The following SNTG1 variants were observed in gnomAD, a reference collection of about 807,000 sequenced individuals.
SNTG1 encodes gamma-1-syntrophin.
A neutral mutation model predicts 74.7 loss-of-function variants in SNTG1; 39 were observed. The ratio of observed to expected loss-of-function variants is 0.52; its 90% confidence interval spans 0.40 to 0.68. The LOEUF (loss-of-function observed/expected upper bound fraction) is 0.68. SNTG1 is among the 30% of genes least tolerant of loss of function. SNTG1 has a pLI of 0.00. For synonymous variants in SNTG1, 254 were observed against 217.1 expected, an observed-to-expected ratio of 1.17 and a Z score of -1.49; for missense variants, 685 against 609.5, an observed-to-expected ratio of 1.12 and a Z score of -1.30.
intron 13 of SNTG1, among the ~76,000 whole-genome samples, chr8:50,636,294 C>G (rs2095038792): frequency 6.6e-6 from 1 of 151,818 alleles, no homozygotes; most frequent in Admixed American, 6.6e-5. Flanking sequence ...TGGCTGGTGA[C>G]TCACTAGGTC....
intron 11 of SNTG1, among the ~76,000 whole-genome samples, chr8:50,550,693 G>GTGTATATATATATATATA (rs1554571332): frequency 1.3e-5 from 2 of 149,028 alleles, no homozygotes; most frequent in African/African-American, 5.0e-5. Flanking sequence ...TAGTGTGTGT[G>GTGTATATATATATATATA]TATATATATA....
At chr8:50,225,216 C>T (rs1049365355) in intron 2 of SNTG1, among the ~76,000 whole-genome samples, 4 of 152,086 alleles carry the variant, frequency 2.6e-5, no homozygotes, top group Non-Finnish European at 5.9e-5. Flanking sequence ...TCGTGATCCA[C>T]CCACCTCAGC....
At chr8:50,597,370 T>TATATATACACATATACAC (rs1563627827) in intron 13 of SNTG1, among the ~76,000 whole-genome samples, 1 of 139,048 alleles carries the variant, frequency 7.2e-6, no homozygotes, top group South Asian at 2.1e-4. Flanking sequence ...CACATATACA[T>TATATATACACATATACAC]GTATATATAC....
chr8:50,093,645 T>G (rs2079824696), intron 1 of SNTG1, among the ~76,000 whole-genome samples: 1 of 152,090 alleles, frequency 6.6e-6, no homozygotes. Flanking sequence ...TGAAAGAATA[T>G]GGTCCCTTGT....
intron 9 of SNTG1, among the ~76,000 whole-genome samples, chr8:50,513,532 G>T (rs1260954112): frequency 6.6e-6 from 1 of 152,238 alleles, no homozygotes; most frequent in Non-Finnish European, 1.5e-5. Flanking sequence ...TACAAAGGCA[G>T]GCAGGCCTCT....
chr8:50,266,055 C>CT (rs34945869), intron 2 of SNTG1, among the ~76,000 whole-genome samples: 31,114 of 145,532 alleles, frequency 0.21, 3,576 homozygotes, highest in Middle Eastern at 0.37. Flanking sequence ...AAAATCCTAG[C>CT]TTTTTTTTTT....
chr8:50,606,728 G>A (rs1002772351), intron 13 of SNTG1, among the ~76,000 whole-genome samples: 1 of 151,896 alleles, frequency 6.6e-6, no homozygotes, highest in Non-Finnish European at 1.5e-5. Context: ...TCTTTAGCAT[G>A]TTGATGAAAT....
At position 50,590,269 on chromosome 8, in the gene SNTG1, G is replaced by A. The variant is rs577509291; in HGVS notation, c.811-610G>A. On this transcript the variant is annotated intron_variant, in intron 12 of 18. Transcript: ENST00000642720. ...AAGCACTATTGAAGAAAGACTTTGTGTAATGTCCTTTATCCAAGCCTAATG... is the reference window on the plus strand; with the variant it reads ...AAGCACTATTGAAGAAAGACTTTGTATAATGTCCTTTATCCAAGCCTAATG... Among the ~76,000 whole-genome samples the A allele has an allele frequency of 2.1e-4, 32 of 152,218 alleles. No homozygotes were observed. In the East Asian group the frequency reaches 5.8e-3, roughly 28 times the overall value.
chr8:50,142,469 A>T lies in SNTG1; in HGVS notation c.-102-30092A>T, dbSNP rs1025206224. Reference sequence around the variant, plus strand: ...ACTTTTTAACACAAACCTGCAATTAAAAAGATTATATATATATATATATAT... The same window carrying T: ...ACTTTTTAACACAAACCTGCAATTATAAAGATTATATATATATATATATAT... On this transcript the variant is annotated intron_variant, in intron 1 of 18. Coordinates refer to ENST00000642720, the MANE Select transcript of SNTG1 (RefSeq NM_018967.5). 2.0e-4 allele frequency among the ~76,000 whole-genome samples: 26 copies of T among 127,356 alleles called. No individual in the cohort carries two copies. The East Asian group carries it at 5.3e-3, about 26-fold the overall frequency. The allele number at this position is 127,356 out of a possible 152,430, so 83.6% of individuals were successfully genotyped here.
intron 2 of SNTG1, among the ~76,000 whole-genome samples, chr8:50,371,168 A>G (rs1391602968): frequency 1.3e-5 from 2 of 152,154 alleles, no homozygotes; most frequent in East Asian, 1.9e-4. Flanking sequence ...CTATTGGCCT[A>G]CTACTGGATC....
chr8:50,567,733 A>G (rs2094524066), intron 12 of SNTG1, among the ~76,000 whole-genome samples: 1 of 152,142 alleles, frequency 6.6e-6, no homozygotes, highest in South Asian at 2.1e-4. Flanking sequence ...AACTCATTAC[A>G]ATTGTACATT....
At chr8:50,737,502 C>A (rs1223636056) in intron 17 of SNTG1, among the ~76,000 whole-genome samples, 1 of 152,134 alleles carries the variant, frequency 6.6e-6, no homozygotes, top group African/African-American at 2.4e-5. Flanking sequence ...TGGTACCACT[C>A]CTTCTGAAAG....
rs1809194448 is a variant in SNTG1, at chr8:49,946,412, G to A, written c.-103+34181G>A. Among the ~76,000 whole-genome samples, 3 of 152,262 alleles carry A rather than the reference G, an allele frequency of 2.0e-5. 1 individual carries two copies. The highest frequency in any genetic ancestry group is 4.1e-4 in the South Asian group (2 of 4,824). On this transcript the variant is annotated intron_variant, in intron 1 of 18. Transcript: ENST00000642720. ...AAATCTTGAAAACTCTGGGAGATAC[G>A]TGTATGGTGGTGGGATATATACACA... is the stretch of plus-strand genomic sequence containing the variant.
chr8:50,675,855 G>A (rs761716502), intron 15 of SNTG1, among the ~76,000 whole-genome samples: 1 of 151,982 alleles, frequency 6.6e-6, no homozygotes, highest in Non-Finnish European at 1.5e-5. Flanking sequence ...CAGGCCTGGT[G>A]GTAACGAAAT....
chr8:50,489,134 T>C (rs1180962288), intron 8 of SNTG1, among the ~76,000 whole-genome samples: 1 of 152,222 alleles, frequency 6.6e-6, no homozygotes, highest in African/African-American at 2.4e-5. Context: ...TGCATAGTAT[T>C]CCATGGTGTA....
Position 50,394,042 on chromosome 8 carries a change from C to A in SNTG1, c.-27-170C>A, listed in dbSNP as rs370769828. Among the ~76,000 whole-genome samples the A allele has an allele frequency of 9.2e-4, 140 of 152,210 alleles. 1 individual carries two copies. The highest frequency in any genetic ancestry group is 2.9e-3 in the African/African-American group (122 of 41,520). On this transcript the variant is annotated intron_variant, in intron 2 of 18. Transcript: ENST00000642720. ...AAAAGCTGGGGATTAAGACTTTTTT[C>A]ATCTGTTCATTTTCCTCTCTTCAGT...
chr8:50,358,307 A>G (rs2091873581), intron 2 of SNTG1, among the ~76,000 whole-genome samples: 1 of 152,240 alleles, frequency 6.6e-6, no homozygotes, highest in Admixed American at 6.5e-5. Flanking sequence ...ACATCTGCTC[A>G]GTATTCATTA....
intron 2 of SNTG1, among the ~76,000 whole-genome samples, chr8:50,367,846 T>A (rs1042087914): frequency 6.6e-6 from 1 of 152,096 alleles, no homozygotes; most frequent in Non-Finnish European, 1.5e-5. Context: ...TGAGCAACAC[T>A]GCACTGATTT....
At chr8:50,133,404 C>T (rs2081375334) in intron 1 of SNTG1, among the ~76,000 whole-genome samples, 1 of 152,130 alleles carries the variant, frequency 6.6e-6, no homozygotes, top group African/African-American at 2.4e-5. Flanking sequence ...TGTCTCTTAC[C>T]CAATTCCAAA....
Sources: gnomAD v4.1 joint callset for allele counts (sites outside exome capture counted in the v4.1 genomes callset) on GRCh38, gnomAD v4.1.1 for gene constraint, MANE v1.5 for transcripts, NCBI Gene and HGNC (gene_info 2026-07-23, HGNC 2026-07-21) for gene names.